RTL4: variants seen among roughly 807,000 people sequenced by gnomAD.
The protein encoded by RTL4 is retrotransposon Gag like 4.
In RTL4, 4 loss-of-function variants were observed where a neutral mutation model predicts 5.3. The ratio of observed to expected loss-of-function variants is 0.75; its 90% CI spans 0.37 to 1.72. The LOEUF (loss-of-function observed/expected upper bound fraction) is 1.72. Ranked by LOEUF, RTL4 falls within the 40% of genes most tolerant of loss-of-function variation. RTL4 has a pLI of 0.04. For synonymous variants in RTL4, 98 were observed against 87.3 expected (o/e 1.12, Z -0.68); for missense variants, 260 against 227.1 (o/e 1.14, Z -0.93).
chrX:112,410,784 A>G, the RTL4 span, among the ~76,000 whole-genome samples: 1 of 112,076 alleles, frequency 8.9e-6, no homozygotes, highest in African/African-American at 3.2e-5. Flanking sequence ...AAAAAATAAG[A>G]AAAACTTCAA....
chrX:112,374,577 G>T, the RTL4 span, among the ~76,000 whole-genome samples: 1 of 112,074 alleles, frequency 8.9e-6, no homozygotes, highest in Non-Finnish European at 1.9e-5. Flanking sequence ...ATTTAGGAAT[G>T]ATTGACATTT....
the RTL4 span, among the ~76,000 whole-genome samples, chrX:112,141,078 GTC>G: frequency 6.3e-5 from 7 of 111,541 alleles, no homozygotes; most frequent in South Asian, 2.6e-3. Context: ...ATTTATTTAG[GTC>G]TCTAATTTCT....
chrX:112,169,075 CT>C, the RTL4 span, among the ~76,000 whole-genome samples: 3 of 33,155 alleles, frequency 9.0e-5, no homozygotes, highest in South Asian at 1.9e-3. Flanking sequence ...TTTCTTTTTT[CT>C]TTCTTTCTTT....
At chrX:112,350,761 T>G in the RTL4 span, among the ~76,000 whole-genome samples, 1 of 111,662 alleles carries the variant, frequency 9.0e-6, no homozygotes, top group African/African-American at 3.3e-5. Flanking sequence ...CTCTCTTTTC[T>G]TCTTTATTAG....
the RTL4 span, among the ~76,000 whole-genome samples, chrX:112,176,405 C>G: frequency 9.0e-6 from 1 of 111,568 alleles, no homozygotes; most frequent in African/African-American, 3.3e-5. Flanking sequence ...AACCAACTAG[C>G]TTTTCCGTGG....
chrX:112,423,414 C>T, the RTL4 span, among the ~76,000 whole-genome samples: 1 of 109,739 alleles, frequency 9.1e-6, no homozygotes, highest in African/African-American at 3.3e-5. Flanking sequence ...ATAGCATGAG[C>T]TTACATACAA....
At chrX:112,386,410 G>A in the RTL4 span, among the ~76,000 whole-genome samples, 15 of 111,002 alleles carry the variant, frequency 1.4e-4, no homozygotes, top group Non-Finnish European at 2.3e-4. Flanking sequence ...GGTTACATGT[G>A]TAAGTTTGTT....
chrX:112,243,858 C>G, the RTL4 span, among the ~76,000 whole-genome samples: 1 of 111,964 alleles, frequency 8.9e-6, no homozygotes, highest in East Asian at 2.8e-4. Context: ...CCTCTACACA[C>G]TGCTTTAAAT....
At chrX:112,388,999 T>C in the RTL4 span, among the ~76,000 whole-genome samples, 14,098 of 110,764 alleles carry the variant, frequency 0.13, 2,275 homozygotes, top group African/African-American at 0.44. Context: ...ACCAGCTCTC[T>C]TTTTTTGTAC....
chrX:112,377,209 T>C, the RTL4 span, among the ~76,000 whole-genome samples: 2 of 111,839 alleles, frequency 1.8e-5, no homozygotes, highest in Non-Finnish European at 3.8e-5. Context: ...GGCAGCATAT[T>C]CCATATTTTA....
chrX:112,122,514 G>A, the RTL4 span, among the ~76,000 whole-genome samples: 1 of 110,304 alleles, frequency 9.1e-6, no homozygotes, highest in Non-Finnish European at 1.9e-5. Context: ...ATAAGACCTA[G>A]TATTTGATAG....
At chrX:112,377,326 A>T in the RTL4 span, among the ~76,000 whole-genome samples, 1 of 111,735 alleles carries the variant, frequency 8.9e-6, no homozygotes, top group Admixed American at 9.5e-5. Flanking sequence ...AACTTACCAA[A>T]CATCATAGCT....
chrX:112,352,380 C>T, the RTL4 span, among the ~76,000 whole-genome samples: 1 of 111,012 alleles, frequency 9.0e-6, no homozygotes, highest in Non-Finnish European at 1.9e-5. Flanking sequence ...CAAGTCAATC[C>T]TCAGCCAAAA....
At chrX:112,236,507 A>T in the RTL4 span, among the ~76,000 whole-genome samples, 4 of 87,428 alleles carry the variant, frequency 4.6e-5, no homozygotes, top group Admixed American at 1.3e-4. Flanking sequence ...ATAGATATAG[A>T]TATATATAAA....
the RTL4 span, among the ~76,000 whole-genome samples, chrX:112,353,671 C>T: frequency 3.7e-5 from 4 of 109,514 alleles, no homozygotes; most frequent in East Asian, 2.9e-4. Context: ...CATCACACTC[C>T]GGGGACTGTT....
chrX:112,432,943 TAC>T, the RTL4 span, among the ~76,000 whole-genome samples: 1 of 111,859 alleles, frequency 8.9e-6, no homozygotes, highest in African/African-American at 3.3e-5. Flanking sequence ...TTCAGCTTTC[TAC>T]ATATGGCTAG....
the RTL4 span, among the ~76,000 whole-genome samples, chrX:112,267,382 C>T: frequency 1.4e-4 from 16 of 111,903 alleles, no homozygotes; most frequent in African/African-American, 5.2e-4. Flanking sequence ...TTCTCAAATA[C>T]TTTCTTCACT....
the RTL4 span, among the ~76,000 whole-genome samples, chrX:112,092,451 A>G: frequency 9.0e-6 from 1 of 110,891 alleles, no homozygotes; most frequent in East Asian, 2.8e-4. Context: ...GTACTTCCTC[A>G]TTTTTTCTCA....
the RTL4 span, among the ~76,000 whole-genome samples, chrX:112,174,890 G>A: frequency 1.3e-5 from 1 of 74,159 alleles, no homozygotes; most frequent in African/African-American, 4.6e-5. Context: ...CTTTTGAGAA[G>A]TGTCTGTTCA....
Sources: gnomAD v4.1 joint callset for allele counts (sites outside exome capture counted in the v4.1 genomes callset) on GRCh38, gnomAD v4.1.1 for gene constraint, MANE v1.5 for transcripts, NCBI Gene and HGNC (gene_info 2026-07-23, HGNC 2026-07-21) for gene names.